The following PLPP4 variants were observed in gnomAD, a reference collection of about 807,000 sequenced individuals.
The protein encoded by PLPP4 is phospholipid phosphatase 4, also known as diacylglycerol pyrophosphate like 2.
PLPP4 carries 20 observed loss-of-function variants against 32.2 expected under a neutral mutation model. The observed-to-expected ratio is 0.62, with a 90% CI of 0.44 to 0.90. PLPP4 has a LOEUF of 0.90. PLPP4 is among the 40% of genes least tolerant of loss of function. The pLI is 0.00. For synonymous variants in PLPP4, 127 were observed against 133.0 expected (o/e 0.95, Z 0.31); for missense variants, 257 against 353.1 (o/e 0.73, Z 2.18).
intron 1 of PLPP4, among the ~76,000 whole-genome samples, chr10:120,491,775 T>A (rs751895938): frequency 6.6e-6 from 1 of 152,170 alleles, no homozygotes; most frequent in Admixed American, 6.5e-5. Context: ...TATGGCATCA[T>A]GTCTGTATAT....
intron 5 of PLPP4, among the ~76,000 whole-genome samples, chr10:120,533,993 T>G (rs1846869810): frequency 6.6e-6 from 1 of 152,184 alleles, no homozygotes; most frequent in South Asian, 2.1e-4. Flanking sequence ...TTAAATCAGT[T>G]AAGAAAGGAG....
intron 1 of PLPP4, among the ~76,000 whole-genome samples, chr10:120,470,493 A>C (rs1331726508): frequency 2.6e-5 from 4 of 152,126 alleles, no homozygotes; most frequent in Admixed American, 2.0e-4. Context: ...CCTATTTAGA[A>C]AGTCGTTTCC....
At chr10:120,558,820 T>C (rs1011291453) in intron 5 of PLPP4, among the ~76,000 whole-genome samples, 4 of 152,246 alleles carry the variant, frequency 2.6e-5, no homozygotes, top group Non-Finnish European at 4.4e-5. Context: ...TCATCTCTAG[T>C]ATGGACCTAT....
At chr10:120,536,328 A>T (rs551839116) in intron 5 of PLPP4, among the ~76,000 whole-genome samples, 135 of 152,240 alleles carry the variant, frequency 8.9e-4, no homozygotes, top group South Asian at 2.9e-3. Context: ...AAACAGTATA[A>T]TACTGGCATA....
In PLPP4 at chr10:120,589,714, G is replaced by A; in HGVS notation, c.*212G>A. The stretch of plus-strand genomic sequence containing the variant: ...TTGCAAGTGAAGGACAACAATCTCT[G>A]AGAGACGTGTGGAAGAGGCTGTGAA... On this transcript the variant is annotated 3_prime_UTR_variant, in exon 7 of 7. Transcript: ENST00000398250. The A allele has an allele frequency of 7.2e-6, 4 of 555,996 alleles. No homozygotes were observed. Among genetic ancestry groups the A allele is most frequent in the Non-Finnish European group, 1.3e-5 (4 of 315,220 alleles). 34.4% of individuals were successfully genotyped at this position (555,996 alleles called of 1,614,324 possible).
At position 120,458,631 on chromosome 10, in the gene PLPP4, A is replaced by G. The variant is rs1847899035; in HGVS notation, c.56+1270A>G. 2.6e-5 allele frequency among the ~76,000 whole-genome samples: 4 copies of G among 152,018 alleles called. No homozygotes were observed. In the South Asian group the frequency reaches 8.3e-4, roughly 32 times the overall value. ...GCCATGAGCTCCCCCAGATGCAAGCAAGCCCCCCTCTCCCGCCTTCTGCCC... is the reference window on the plus strand; with the variant it reads ...GCCATGAGCTCCCCCAGATGCAAGCGAGCCCCCCTCTCCCGCCTTCTGCCC... On this transcript the variant is annotated intron_variant, in intron 1 of 6. Transcript: ENST00000398250.
intron 2 of PLPP4, among the ~76,000 whole-genome samples, chr10:120,504,627 G>A (rs1589781650): frequency 6.6e-6 from 1 of 152,174 alleles, no homozygotes; most frequent in Non-Finnish European, 1.5e-5. Context: ...AAACTAAGAC[G>A]AGCTTTGAAG....
In PLPP4 at chr10:120,560,077, C is replaced by T. The variant is rs1848350865; in HGVS notation, c.446-15054C>T. Among the ~76,000 whole-genome samples the T allele has an allele frequency of 2.0e-5, 3 of 152,284 alleles. No homozygotes were observed. The South Asian group carries it at 6.2e-4, about 32-fold the overall frequency. On this transcript the variant is annotated intron_variant, in intron 5 of 6. Transcript: ENST00000398250. Reference sequence around the variant, plus strand: ...GTGTCTCCACGAAATTGGCGGTGGGCCACAGTGAAAGTGATTTCTCACAGT... The same window carrying T: ...GTGTCTCCACGAAATTGGCGGTGGGTCACAGTGAAAGTGATTTCTCACAGT...
intron 1 of PLPP4, among the ~76,000 whole-genome samples, chr10:120,478,337 C>A (rs1844030114): frequency 6.6e-6 from 1 of 152,222 alleles, no homozygotes; most frequent in Non-Finnish European, 1.5e-5. Context: ...CTTGGCACAT[C>A]TTCCAGGAAG....
At position 120,590,605 on chromosome 10, in the gene PLPP4, T is replaced by G. The variant is rs914761479; in HGVS notation, c.*1103T>G. On this transcript the variant is annotated 3_prime_UTR_variant, in exon 7 of 7. Transcript: ENST00000398250. ...TGAATACAGCCAGTCAATATGAACC[T>G]TTTTCAGTCTGAGTATAGAGCACGC... 1.3e-5 allele frequency among the ~76,000 whole-genome samples: 2 copies of G among 152,118 alleles called. No individual in the cohort carries two copies. The highest frequency in any genetic ancestry group is 2.9e-5 in the Non-Finnish European group (2 of 68,012).
At chr10:120,520,475 T>C (rs1846104546) in intron 4 of PLPP4, among the ~76,000 whole-genome samples, 2 of 152,234 alleles carry the variant, frequency 1.3e-5, no homozygotes, top group African/African-American at 4.8e-5. Flanking sequence ...CTGAGACCTA[T>C]GGATTGGCAT....
At chr10:120,553,670 C>T (rs573392608) in intron 5 of PLPP4, among the ~76,000 whole-genome samples, 1 of 152,334 alleles carries the variant, frequency 6.6e-6, no homozygotes, top group Admixed American at 6.5e-5. Context: ...AACTCTTGCC[C>T]TCTGCATACC....
At chr10:120,571,455 T>C (rs760893076) in intron 5 of PLPP4, among the ~76,000 whole-genome samples, 2 of 152,144 alleles carry the variant, frequency 1.3e-5, no homozygotes, top group African/African-American at 2.4e-5. Flanking sequence ...TGTTCCATGC[T>C]AGCACCCTCC....
chr10:120,495,881 C>T (rs1044458156), intron 1 of PLPP4, among the ~76,000 whole-genome samples: 1 of 152,168 alleles, frequency 6.6e-6, no homozygotes, highest in African/African-American at 2.4e-5. Flanking sequence ...AGGTGCTATG[C>T]TGGACCCTAA....
chr10:120,479,120 G>C (rs557396768), intron 1 of PLPP4, among the ~76,000 whole-genome samples: 1 of 152,264 alleles, frequency 6.6e-6, no homozygotes, highest in Non-Finnish European at 1.5e-5. Context: ...CAGCTACTTG[G>C]GAGGCTGAGG....
chr10:120,535,295 T>C (rs575551349), intron 5 of PLPP4, among the ~76,000 whole-genome samples: 24 of 152,286 alleles, frequency 1.6e-4, no homozygotes, highest in African/African-American at 5.5e-4. Context: ...TACTTAATGT[T>C]ATAAATTTTT....
At chr10:120,470,229 G>T (rs1848458471) in intron 1 of PLPP4, among the ~76,000 whole-genome samples, 1 of 152,146 alleles carries the variant, frequency 6.6e-6, no homozygotes, top group Non-Finnish European at 1.5e-5. Context: ...AAGCGTATTG[G>T]CAATTTGTAT....
At chr10:120,588,837 G>C (rs1237111120) in intron 6 of PLPP4, among the ~76,000 whole-genome samples, 1 of 152,236 alleles carries the variant, frequency 6.6e-6, no homozygotes, top group Non-Finnish European at 1.5e-5. Context: ...CATGAGGTCA[G>C]GAGTTCGAGA....
At chr10:120,472,364 AT>A (rs1213075807) in intron 1 of PLPP4, among the ~76,000 whole-genome samples, 1 of 151,970 alleles carries the variant, frequency 6.6e-6, no homozygotes, top group African/African-American at 2.4e-5. Context: ...TGGATGTAGA[AT>A]TTTCGGTTGA....
Sources: allele counts gnomAD v4.1 joint callset (sites outside exome capture counted in the v4.1 genomes callset), GRCh38; gene constraint gnomAD v4.1.1; transcripts MANE v1.5; gene names NCBI Gene and HGNC (gene_info 2026-07-23, HGNC 2026-07-21).